MYO18B: variants seen among roughly 807,000 people sequenced by gnomAD.
MYO18B encodes the protein unconventional myosin-XVIIIb.
MYO18B carries 204 observed loss-of-function variants against 273.0 expected under a neutral mutation model. The ratio of observed to expected loss-of-function variants is 0.75; its 90% CI spans 0.67 to 0.84. The LOEUF is 0.84. Ranked by LOEUF, MYO18B falls within the 40% of genes least tolerant of loss-of-function variation. The probability of loss-of-function intolerance (pLI) is 0.00; values close to 1 mark genes in which losing one functional copy is unlikely to be tolerated. For synonymous variants in MYO18B, 1,330 were observed against 1,305.7 expected, an observed-to-expected ratio of 1.02 and a Z score of -0.40; for missense variants, 3,212 against 3,287.6, an observed-to-expected ratio of 0.98 and a Z score of 0.56.
intron 31 of MYO18B, among the ~76,000 whole-genome samples, chr22:25,905,678 T>G (rs1235770691): frequency 6.6e-6 from 1 of 152,162 alleles, no homozygotes; most frequent in Non-Finnish European, 1.5e-5. Context: ...TACGGGGTCT[T>G]TGAGGCAGCT....
chr22:25,885,217 T>C (rs2091461177), intron 25 of MYO18B, among the ~76,000 whole-genome samples: 1 of 152,174 alleles, frequency 6.6e-6, no homozygotes, highest in Non-Finnish European at 1.5e-5. Flanking sequence ...ACTGAAACTG[T>C]GAAGAAGGTG....
intron 1 of MYO18B, among the ~76,000 whole-genome samples, chr22:25,752,253 T>C (rs60627504): frequency 2.7e-5 from 4 of 150,448 alleles, no homozygotes; most frequent in African/African-American, 9.8e-5. Flanking sequence ...AGTGGCGGGA[T>C]CTCGGCTCAC....
At chr22:25,842,895 A>G (rs979503943) in intron 17 of MYO18B, among the ~76,000 whole-genome samples, 1 of 152,122 alleles carries the variant, frequency 6.6e-6, no homozygotes, top group Non-Finnish European at 1.5e-5. Flanking sequence ...CATAAACAAC[A>G]CTTTGTGATT....
chr22:25,911,100 T>G (rs986900272), intron 33 of MYO18B, 50 bp downstream of exon 33: 9 of 1,356,452 alleles, frequency 6.6e-6, no homozygotes, highest in Non-Finnish European at 8.3e-6. Context: ...CAGGGACCTA[T>G]TTGAGAGATG....
At chr22:26,022,574 C>T (rs1356090231) in intron 42 of MYO18B, among the ~76,000 whole-genome samples, 3 of 152,140 alleles carry the variant, frequency 2.0e-5, no homozygotes, top group South Asian at 2.1e-4. Context: ...AGCACTTGGC[C>T]GTGCTTCTTG....
At chr22:25,747,881 T>C (rs1396818337) in intron 1 of MYO18B, among the ~76,000 whole-genome samples, 3 of 152,068 alleles carry the variant, frequency 2.0e-5, no homozygotes, top group African/African-American at 7.2e-5. Flanking sequence ...GCATCCCCAT[T>C]TGACAGACAG....
chr22:25,806,380 G>A (rs117817321), intron 12 of MYO18B, among the ~76,000 whole-genome samples: 1 of 152,112 alleles, frequency 6.6e-6, no homozygotes, highest in African/African-American at 2.4e-5. Context: ...TTACAGATTT[G>A]TCTCGAGAGG....
chr22:25,849,596 A>G lies in MYO18B; in HGVS notation c.3776-1874A>G, dbSNP rs1251009778. Among the ~76,000 whole-genome samples the G allele has an allele frequency of 4.6e-5, 7 of 152,204 alleles. No individual in the cohort carries two copies. In the East Asian group the frequency reaches 1.3e-3, roughly 29 times the overall value. On this transcript the variant is annotated intron_variant, in intron 20 of 43. Coordinates refer to ENST00000335473, the MANE Select transcript of MYO18B (RefSeq NM_032608.7). The stretch of plus-strand genomic sequence containing the variant: ...TAAATGAGATCATTTTTGCTGTGCT[A>G]AAGGTATGTAGTAAACATTCATTCA...
intron 39 of MYO18B, among the ~76,000 whole-genome samples, chr22:25,983,749 A>G (rs1210362679): frequency 5.9e-5 from 9 of 152,230 alleles, no homozygotes; most frequent in African/African-American, 2.2e-4. Flanking sequence ...CATCCATGGA[A>G]GCAGCAGTAC....
chr22:26,036,120 G>A, the MYO18B span, among the ~76,000 whole-genome samples: 1 of 152,208 alleles, frequency 6.6e-6, no homozygotes, highest in South Asian at 2.1e-4. Flanking sequence ...GGTGTCAAAG[G>A]ATGTTGGATG....
At chr22:25,826,953 C>G (rs570284469) in intron 14 of MYO18B, among the ~76,000 whole-genome samples, 2 of 151,984 alleles carry the variant, frequency 1.3e-5, no homozygotes, top group Non-Finnish European at 2.9e-5. Context: ...CCCAGCTACT[C>G]GGGAGGCTGA....
At chr22:25,903,391 C>A (rs1209246508) in intron 30 of MYO18B, 1 of 516,930 alleles carries the variant, frequency 1.9e-6, no homozygotes, top group Non-Finnish European at 3.4e-6. Flanking sequence ...ACTCTAGGGA[C>A]AATTTATTCC....
chr22:25,948,375 TCCAA>T (rs2092740344), intron 36 of MYO18B, among the ~76,000 whole-genome samples: 1 of 152,158 alleles, frequency 6.6e-6, no homozygotes, highest in Non-Finnish European at 1.5e-5. Context: ...TATCCACCTA[TCCAA>T]CCATCATTTT....
At chr22:25,762,987 C>A (rs2086375719) in intron 2 of MYO18B, 1 of 677,064 alleles carries the variant, frequency 1.5e-6, no homozygotes, top group Admixed American at 1.8e-5. Flanking sequence ...AGAGTGGATC[C>A]AGGCAGAAAT....
rs2091985189 is a variant in MYO18B at position 25,903,766 on chromosome 22, T to A, written c.5083T>A (p.Ser1695Thr). The change falls in exon 31 of 44, where the codon TCC becomes ACC. Residue 1695 changes from serine (S) to threonine (T), a missense_variant. By Grantham distance (58) the Ser-to-Thr change is moderately conservative. Coordinates refer to ENST00000335473, the MANE Select transcript of MYO18B (RefSeq NM_032608.7). ...GLKERLWKLE[S>T]SALEQQKIQS... The stretch of plus-strand genomic sequence containing the variant: ...GAAGGAGAGGCTCTGGAAGTTGGAA[T>A]CCAGCGCCCTTGAGCAACAGAAAAT... 2 of 1,604,136 alleles carry A rather than the reference T, an allele frequency of 1.2e-6. No individual in the cohort carries two copies. Among genetic ancestry groups the A allele is most frequent in the Admixed American group, 1.7e-5 (1 of 58,800 alleles).
intron 4 of MYO18B, 160 bp from the exon 5 acceptor site, chr22:25,769,950 C>T (rs1402524689): frequency 1.9e-5 from 13 of 692,160 alleles, no homozygotes; most frequent in East Asian, 8.6e-5. Context: ...GGGTCCGCAA[C>T]GGGAATCTGC....
intron 40 of MYO18B, among the ~76,000 whole-genome samples, chr22:25,995,672 G>C (rs1933158031): frequency 6.6e-6 from 1 of 152,132 alleles, no homozygotes; most frequent in Non-Finnish European, 1.5e-5. Context: ...CTTGGCGTAG[G>C]GGAGAAATCC....
chr22:25,806,079 A>G (rs75901067), intron 12 of MYO18B, among the ~76,000 whole-genome samples: 2,443 of 152,326 alleles, frequency 0.016, 52 homozygotes, highest in African/African-American at 0.057. Context: ...CCCAGGGCCT[A>G]GCACAGGGCC....
chr22:25,948,318 CA>C (rs150160143), intron 36 of MYO18B, among the ~76,000 whole-genome samples: 25,812 of 152,020 alleles, frequency 0.17, 2,256 homozygotes, highest in East Asian at 0.24. Context: ...GCCATCCATT[CA>C]TTTATCCATT....
Sources: allele counts gnomAD v4.1 joint callset (sites outside exome capture counted in the v4.1 genomes callset), GRCh38; gene constraint gnomAD v4.1.1; transcripts MANE v1.5; gene names NCBI Gene and HGNC (gene_info 2026-07-23, HGNC 2026-07-21).